Variants in HTR1F observed in about 807,000 individuals in gnomAD.
HTR1F encodes the protein 5-hydroxytryptamine receptor 1F, also known as 5-hydroxytryptamine (serotonin) receptor 1F, G protein-coupled.
Under a neutral mutation model 24.0 loss-of-function variants are expected in HTR1F, and 17 were observed. The ratio of observed to expected loss-of-function variants is 0.71; its 90% CI spans 0.48 to 1.06. HTR1F has a LOEUF of 1.06. Ranked by LOEUF, HTR1F falls within the 50% of genes least tolerant of loss-of-function variation. The pLI is 0.00. For missense variants in HTR1F, 391 were observed against 427.8 expected (o/e 0.91, Z 0.76); for synonymous variants, 186 against 156.8 (o/e 1.19, Z -1.39).
intron 2 of HTR1F, among the ~76,000 whole-genome samples, chr3:87,882,892 G>C (rs1260458266): frequency 3.9e-5 from 6 of 152,106 alleles, no homozygotes; most frequent in Non-Finnish European, 7.4e-5. Flanking sequence ...AAAAAAGGCA[G>C]CAGACAACTT....
Position 87,911,817 on chromosome 3 carries a change from A to C in HTR1F, c.-42-78891A>C, listed in dbSNP as rs549003596. Among the ~76,000 whole-genome samples, 4 of 152,338 alleles carry C rather than the reference A, an allele frequency of 2.6e-5. No homozygotes were observed. The South Asian group carries it at 8.3e-4, about 32-fold the overall frequency. ...ATAAACAGAATTAAAGATGAAAACT[A>C]TGATTGTCTCTCAGTAGATGCAGAG... On this transcript the variant is annotated intron_variant, in intron 2 of 2. Transcript: ENST00000319595.
At chr3:87,985,708 TA>T (rs796301063) in intron 2 of HTR1F, among the ~76,000 whole-genome samples, 10 of 152,372 alleles carry the variant, frequency 6.6e-5, no homozygotes, top group African/African-American at 2.4e-4. Flanking sequence ...AATTGAATTT[TA>T]CTTCACAATG....
chr3:87,826,141 C>G (rs1482748264), intron 2 of HTR1F, among the ~76,000 whole-genome samples: 1 of 152,210 alleles, frequency 6.6e-6, no homozygotes, highest in Admixed American at 6.5e-5. Flanking sequence ...TCTGCAGAAA[C>G]TCTGCATGCT....
intron 2 of HTR1F, among the ~76,000 whole-genome samples, chr3:87,889,888 G>A (rs1163969849): frequency 6.6e-6 from 1 of 152,136 alleles, no homozygotes; most frequent in African/African-American, 2.4e-5. Context: ...CTTGCACCAG[G>A]CACCTCCACT....
At chr3:87,869,465 T>C (rs1705507961) in intron 2 of HTR1F, among the ~76,000 whole-genome samples, 1 of 151,612 alleles carries the variant, frequency 6.6e-6, no homozygotes, top group Non-Finnish European at 1.5e-5. Context: ...GATAGATAGA[T>C]AGATAGATAG....
At chr3:87,929,059 T>C (rs916353328) in intron 2 of HTR1F, among the ~76,000 whole-genome samples, 1 of 152,216 alleles carries the variant, frequency 6.6e-6, no homozygotes, top group Non-Finnish European at 1.5e-5. Flanking sequence ...TAAAAAAGGA[T>C]ATAAAGTATG....
intron 2 of HTR1F, among the ~76,000 whole-genome samples, chr3:87,870,411 C>A (rs1024842354): frequency 2.0e-5 from 3 of 152,024 alleles, no homozygotes; most frequent in African/African-American, 7.2e-5. Flanking sequence ...CTTCAGAAAC[C>A]AGCTTAGAAG....
Position 87,919,388 on chromosome 3 carries a change from T to C in HTR1F, c.-42-71320T>C, listed in dbSNP as rs1703963057. On this transcript the variant is annotated intron_variant, in intron 2 of 2. Transcript: ENST00000319595. The stretch of plus-strand genomic sequence containing the variant: ...ATAAAATCCTGGGACTTAATTAAAC[T>C]AAAGAGCTTTTGCACGGCAAAAGGA... Among the ~76,000 whole-genome samples the C allele has an allele frequency of 1.3e-5, 2 of 151,938 alleles. 1 individual carries two copies. Among genetic ancestry groups the C allele is most frequent in the South Asian group, 4.1e-4 (2 of 4,820 alleles).
At position 87,950,815 on chromosome 3, in the gene HTR1F, G is replaced by A. The variant is rs575961240; in HGVS notation, c.-42-39893G>A. Among the ~76,000 whole-genome samples the A allele has an allele frequency of 6.2e-4, 95 of 152,154 alleles. 1 individual carries two copies. The highest frequency in any genetic ancestry group is 5.6e-4 in the Non-Finnish European group (38 of 67,986). On this transcript the variant is annotated intron_variant, in intron 2 of 2. Coordinates refer to ENST00000319595, the MANE Select transcript of HTR1F (RefSeq NM_001322209.2). ...ATTCATTGGTGGAAATGTCATTACT[G>A]GTCAAGTGTTCTTTAAGAACACTGT...
intron 2 of HTR1F, among the ~76,000 whole-genome samples, chr3:87,978,928 G>GGAAGGAAGGAAGGAAGGAAA (rs1559656037): frequency 7.1e-5 from 5 of 70,404 alleles, no homozygotes; most frequent in African/African-American, 2.6e-4. Context: ...AAGGAAGGAA[G>GGAAGGAAGGAAGGAAGGAAA]GAAGGAAAAG....
chr3:87,800,813 G>A (rs1302594859), intron 1 of HTR1F, among the ~76,000 whole-genome samples: 2 of 152,062 alleles, frequency 1.3e-5, no homozygotes, highest in South Asian at 2.1e-4. Flanking sequence ...TGGTTCATTG[G>A]TACTCTGTCT....
Position 87,795,416 on chromosome 3 carries a change from G to A in HTR1F, c.-160+2574G>A, listed in dbSNP as rs1022274778. ...ATGTTTGAAGGGCACTCTCTAGTAC[G>A]TTAGTAATAACTGGGTAATGTAAAA... On this transcript the variant is annotated intron_variant, in intron 1 of 2. Coordinates refer to ENST00000319595, the MANE Select transcript of HTR1F (RefSeq NM_001322209.2). Among the ~76,000 whole-genome samples, 15 of 152,288 alleles carry A rather than the reference G, an allele frequency of 9.8e-5. No individual in the cohort carries two copies. In the South Asian group the frequency reaches 2.1e-3, roughly 21 times the overall value.
intron 2 of HTR1F, among the ~76,000 whole-genome samples, chr3:87,896,538 G>A (rs1706202932): frequency 6.6e-6 from 1 of 152,120 alleles, no homozygotes; most frequent in South Asian, 2.1e-4. Context: ...CACACCAAAA[G>A]CTCAGGGTAT....
intron 2 of HTR1F, among the ~76,000 whole-genome samples, chr3:87,941,566 A>G (rs1704569553): frequency 6.6e-6 from 1 of 152,180 alleles, no homozygotes; most frequent in East Asian, 1.9e-4. Flanking sequence ...GAGTCCAGGT[A>G]TGAGAACTGG....
Position 87,929,310 on chromosome 3 carries a change from C to T in HTR1F, c.-42-61398C>T, listed in dbSNP as rs557323727. Among the ~76,000 whole-genome samples the T allele has an allele frequency of 3.3e-5, 5 of 152,244 alleles. No homozygotes were observed. The South Asian group carries it at 6.2e-4, about 19-fold the overall frequency. ...TCTTCATCAGGGCAGAGCCTCTTTC[C>T]GTTGCTGGCTCCACAGTAATATAAT... On this transcript the variant is annotated intron_variant, in intron 2 of 2. Coordinates refer to ENST00000319595, the MANE Select transcript of HTR1F (RefSeq NM_001322209.2).
intron 2 of HTR1F, among the ~76,000 whole-genome samples, chr3:87,953,145 A>G (rs1704870812): frequency 6.6e-6 from 1 of 151,764 alleles, no homozygotes; most frequent in African/African-American, 2.4e-5. Context: ...GTCTAAGCAA[A>G]TATATTATAA....
At chr3:87,933,247 A>G (rs1170712947) in intron 2 of HTR1F, among the ~76,000 whole-genome samples, 1 of 151,776 alleles carries the variant, frequency 6.6e-6, no homozygotes, top group Non-Finnish European at 1.5e-5. Flanking sequence ...AGCCAATATC[A>G]TACTGAATGG....
chr3:87,938,452 T>C (rs1168011464), intron 2 of HTR1F, among the ~76,000 whole-genome samples: 1 of 152,148 alleles, frequency 6.6e-6, no homozygotes, highest in Non-Finnish European at 1.5e-5. Context: ...AAAATTCATA[T>C]GGAGCCTAAA....
chr3:87,977,051 T>C lies in HTR1F; in HGVS notation c.-42-13657T>C, dbSNP rs142954289. Among the ~76,000 whole-genome samples, 177 of 152,320 alleles carry C rather than the reference T, an allele frequency of 1.2e-3. 2 individuals carry two copies. The East Asian group carries it at 0.025, about 22-fold the overall frequency. On this transcript the variant is annotated intron_variant, in intron 2 of 2. Coordinates refer to ENST00000319595, the MANE Select transcript of HTR1F (RefSeq NM_001322209.2). Reference sequence around the variant, plus strand: ...ACTTACATAATAGGAGAATATACCATTCCTCATGTATGGTAATTGTACATT... The same window carrying C: ...ACTTACATAATAGGAGAATATACCACTCCTCATGTATGGTAATTGTACATT...
Sources: gnomAD v4.1 joint callset for allele counts (sites outside exome capture counted in the v4.1 genomes callset) on GRCh38, gnomAD v4.1.1 for gene constraint, MANE v1.5 for transcripts, NCBI Gene and HGNC (gene_info 2026-07-23, HGNC 2026-07-21) for gene names.